CACNA1D: variants seen among roughly 807,000 people sequenced by gnomAD.
CACNA1D encodes the protein calcium voltage-gated channel subunit alpha1 D.
In CACNA1D, 55 loss-of-function variants were observed where a neutral mutation model predicts 257.1. The ratio of observed to expected loss-of-function variants is 0.21; its 90% CI spans 0.17 to 0.27. The LOEUF (loss-of-function observed/expected upper bound fraction) is 0.27, where lower values mean the gene tolerates loss of function less well. CACNA1D is among the 10% of genes least tolerant of loss of function. The pLI is 1.00. For synonymous variants in CACNA1D, 980 were observed against 1,014.9 expected (o/e 0.97, Z 0.65); for missense variants, 1,876 against 2,784.0 (o/e 0.67, Z 7.34).
chr3:53,732,851 C>G lies in CACNA1D; in HGVS notation c.2510C>G (p.Pro837Arg). 1.2e-6 allele frequency: 2 copies of G among 1,613,832 alleles called. No individual in the cohort carries two copies. Among genetic ancestry groups the G allele is most frequent in the Non-Finnish European group, 8.5e-7 (1 of 1,179,772 alleles). Residue 837 changes from proline (P) to arginine (R), a missense_variant, in exon 19 of 48, where the codon CCT (proline) becomes CGT (arginine). By Grantham distance (103) the Pro-to-Arg change is moderately radical (BLOSUM62 -2). Coordinates refer to ENST00000350061, the MANE Select transcript of CACNA1D (RefSeq NM_001128840.3). ...GAAGAGGAAGAGGAGGAGGATGAAC[C>G]TGAGGTTCCTGCCGGACCCCGTCCT... ...EEEEEEEEDE[P>R]EVPAGPRPRR...
chr3:53,643,114 G>A (rs2093979961), intron 3 of CACNA1D, among the ~76,000 whole-genome samples: 1 of 152,120 alleles, frequency 6.6e-6, no homozygotes, highest in Non-Finnish European at 1.5e-5. Flanking sequence ...TAGACTTGGG[G>A]GACACAAATG....
chr3:53,654,928 G>C (rs1335156088), intron 4 of CACNA1D, among the ~76,000 whole-genome samples: 1 of 152,082 alleles, frequency 6.6e-6, no homozygotes, highest in Non-Finnish European at 1.5e-5. Context: ...AGGACAAATA[G>C]AAAACAAACG....
At chr3:53,613,998 G>C (rs2093609792) in intron 3 of CACNA1D, among the ~76,000 whole-genome samples, 3 of 151,738 alleles carry the variant, frequency 2.0e-5, no homozygotes, top group Admixed American at 2.0e-4. Flanking sequence ...GATAGGAATA[G>C]ATAATAAGAT....
intron 37 of CACNA1D, among the ~76,000 whole-genome samples, chr3:53,778,585 T>C (rs2095410115): frequency 6.6e-6 from 1 of 152,250 alleles, no homozygotes; most frequent in African/African-American, 2.4e-5. Context: ...ACATCACCAT[T>C]AATTTAGTGC....
chr3:53,552,921 G>T (rs905712349), intron 3 of CACNA1D, among the ~76,000 whole-genome samples: 2 of 152,186 alleles, frequency 1.3e-5, no homozygotes, highest in Non-Finnish European at 2.9e-5. Context: ...ACCTTCACCT[G>T]CTGAGTGCTT....
chr3:53,621,921 A>C lies in CACNA1D; in HGVS notation c.484-28858A>C, dbSNP rs144388264. On this transcript the variant is annotated intron_variant, in intron 3 of 47. Transcript: ENST00000350061. The stretch of plus-strand genomic sequence containing the variant: ...AAAACCATAGGACATGCTACTACAC[A>C]CCTACCAAAGTGACTAAAATGAAAA... Among the ~76,000 whole-genome samples the C allele has an allele frequency of 4.7e-3, 712 of 152,314 alleles. 9 individuals are homozygous for C. The highest frequency in any genetic ancestry group is 0.016 in the African/African-American group (661 of 41,566).
At chr3:53,534,368 C>T (rs1175129839) in intron 3 of CACNA1D, among the ~76,000 whole-genome samples, 3 of 152,242 alleles carry the variant, frequency 2.0e-5, no homozygotes, top group African/African-American at 4.8e-5. Context: ...CAGCCTTGTA[C>T]GTCCAGAGCA....
At chr3:53,783,648 G>A (rs1352151084) in intron 39 of CACNA1D, among the ~76,000 whole-genome samples, 3 of 152,298 alleles carry the variant, frequency 2.0e-5, no homozygotes, top group Non-Finnish European at 2.9e-5. Context: ...CTGTGGCCAC[G>A]AAGGAAGTTC....
chr3:53,771,935 A>G (rs1404299830), intron 32 of CACNA1D, among the ~76,000 whole-genome samples: 2 of 152,246 alleles, frequency 1.3e-5, no homozygotes, highest in Non-Finnish European at 2.9e-5. Context: ...AACAGCTGGC[A>G]CAGGTCTGAA....
intron 3 of CACNA1D, among the ~76,000 whole-genome samples, chr3:53,507,727 A>G (rs957487704): frequency 6.6e-6 from 1 of 152,162 alleles, no homozygotes; most frequent in Admixed American, 6.5e-5. Context: ...CAATGTGAAT[A>G]TCATTATTTT....
chr3:53,551,327 G>A (rs776239951), intron 3 of CACNA1D, among the ~76,000 whole-genome samples: 1 of 152,180 alleles, frequency 6.6e-6, no homozygotes, highest in Non-Finnish European at 1.5e-5. Flanking sequence ...CAGGTTCCCC[G>A]GCTTGCCCTC....
rs376426591 is a variant in CACNA1D, at chr3:53,693,357, T to G, written c.1221-9284T>G. Among the ~76,000 whole-genome samples, 219 of 152,320 alleles carry G rather than the reference T, an allele frequency of 1.4e-3. 6 individuals are homozygous for G. The South Asian group carries it at 0.043, about 30-fold the overall frequency. ...TTGGCTATCACCAGCTTTTCATGGT[T>G]GAGGGAAAAATGGAACAAATACAAT... On this transcript the variant is annotated intron_variant, in intron 8 of 47. Transcript: ENST00000350061.
chr3:53,552,106 C>T (rs1297152779), intron 3 of CACNA1D, among the ~76,000 whole-genome samples: 1 of 152,200 alleles, frequency 6.6e-6, no homozygotes, highest in Non-Finnish European at 1.5e-5. Context: ...GTGCAGTACC[C>T]TGGAAAATGG....
chr3:53,728,431 G>T (rs1454729293), intron 15 of CACNA1D, among the ~76,000 whole-genome samples: 1 of 152,088 alleles, frequency 6.6e-6, no homozygotes, highest in South Asian at 2.1e-4. Context: ...GAGCCACTGC[G>T]CCCGGCCTGT....
At chr3:53,507,423 A>G (rs1405248188) in intron 3 of CACNA1D, among the ~76,000 whole-genome samples, 2 of 151,744 alleles carry the variant, frequency 1.3e-5, no homozygotes, top group Non-Finnish European at 1.5e-5. Flanking sequence ...AGAATGGGCA[A>G]CATAGTGAGA....
rs78502050 is a variant in CACNA1D at position 53,673,564 on chromosome 3, A to G, written c.1220+438A>G. 4 of 222,868 alleles carry G rather than the reference A, an allele frequency of 1.8e-5. No individual in the cohort carries two copies. The highest frequency in any genetic ancestry group is 1.1e-4 in the South Asian group (2 of 18,074). The allele number at this position is 222,868 out of a possible 1,614,324, so 13.8% of individuals were successfully genotyped here. A position where few individuals can be genotyped will look rare whatever the true frequency, so the allele number is the denominator to read the frequency against. Reference sequence around the variant, plus strand: ...CGCTGAGCTTGTCCTTATTTGCAGAAAAAAAAAAAAAAAGGGAAGGACCTA... The same window carrying G: ...CGCTGAGCTTGTCCTTATTTGCAGAGAAAAAAAAAAAAAGGGAAGGACCTA... On this transcript the variant is annotated intron_variant, in intron 8 of 47. Transcript: ENST00000350061. The surrounding 1 kb of genome is among the most constrained non-coding windows in gnomAD (Gnocchi z 4.1).
intron 47 of CACNA1D, 58 bp downstream of exon 47, chr3:53,810,356 C>A: frequency 6.5e-7 from 1 of 1,543,602 alleles, no homozygotes; most frequent in Non-Finnish European, 9.0e-7. Context: ...AGAGGTGCAA[C>A]TGTAACAGCA....
At chr3:53,713,225 G>A (rs1441110992) in intron 9 of CACNA1D, among the ~76,000 whole-genome samples, 6 of 152,194 alleles carry the variant, frequency 3.9e-5, no homozygotes, top group Admixed American at 3.9e-4. Context: ...CCTTCCTGCA[G>A]TTATAGCAGG....
At chr3:53,777,449 A>G (rs918718589) in intron 37 of CACNA1D, among the ~76,000 whole-genome samples, 1 of 152,080 alleles carries the variant, frequency 6.6e-6, no homozygotes, top group African/African-American at 2.4e-5. Flanking sequence ...GGCAATGGAG[A>G]AGTAGACCTG....
Sources: gnomAD v4.1 joint callset for allele counts (sites outside exome capture counted in the v4.1 genomes callset) on GRCh38, gnomAD v4.1.1 for gene constraint, Gnocchi (gnomAD v3.1) non-coding constraint, MANE v1.5 for transcripts, NCBI Gene and HGNC (gene_info 2026-07-23, HGNC 2026-07-21) for gene names.